The following LARP4 variants were observed in gnomAD, a reference collection of about 807,000 sequenced individuals.
LARP4 encodes la-related protein 4.
A neutral mutation model predicts 92.9 loss-of-function variants in LARP4; 29 were observed. That is an observed-to-expected ratio of 0.31 (90% CI 0.23 to 0.43). LARP4 has a LOEUF of 0.43. LARP4 is among the 20% of genes least tolerant of loss of function. The pLI is 1.00. For synonymous variants in LARP4, 279 were observed against 284.1 expected, an observed-to-expected ratio of 0.98 and a Z score of 0.18; for missense variants, 732 against 860.0, an observed-to-expected ratio of 0.85 and a Z score of 1.86.
intron 1 of LARP4, among the ~76,000 whole-genome samples, chr12:50,404,129 A>T: frequency 6.6e-6 from 1 of 152,154 alleles, no homozygotes; most frequent in East Asian, 1.9e-4. Flanking sequence ...CGGGAGGCTA[A>T]GGTAGGAGAA....
intron 4 of LARP4, 124 bp downstream of exon 4, chr12:50,430,694 T>A: frequency 1.8e-6 from 1 of 557,798 alleles, no homozygotes; most frequent in Non-Finnish European, 3.1e-6. Context: ...CAGAGTCTCA[T>A]GTTGTCGCTG....
rs1957675197 is a variant in LARP4, at chr12:50,478,356, ATATT to A, written c.*2493_*2496del. 2 of 151,894 alleles carry A rather than the reference ATATT, an allele frequency of 1.3e-5. No homozygotes were observed. The highest frequency in any genetic ancestry group is 2.1e-4 in the South Asian group (1 of 4,828). 9.4% of individuals were successfully genotyped at this position (151,894 alleles called of 1,614,324 possible). A position where few individuals can be genotyped will look rare whatever the true frequency, so the allele number is the denominator to read the frequency against. ...GTGTATGTGTGTGTAATATTTATAT[ATATT>A]CACAGTATGTATTTAGCATTTATTT... On this transcript the variant is annotated 3_prime_UTR_variant, in exon 16 of 16. Transcript: ENST00000398473.
chr12:50,452,617 C>T lies in LARP4; in HGVS notation c.805-843C>T, dbSNP rs141855743. Among the ~76,000 whole-genome samples, 358 of 152,208 alleles carry T rather than the reference C, an allele frequency of 2.4e-3. 2 individuals are homozygous for T. The highest frequency in any genetic ancestry group is 8.4e-3 in the African/African-American group (349 of 41,548). On this transcript the variant is annotated intron_variant, in intron 8 of 15. Coordinates refer to ENST00000398473, the MANE Select transcript of LARP4 (RefSeq NM_052879.5). Reference sequence around the variant, plus strand: ...CTTCCTGTTGTTTTTTTTGCTGCACCCATTTTAATAGATGTGAGATGCTAT... The same window carrying T: ...CTTCCTGTTGTTTTTTTTGCTGCACTCATTTTAATAGATGTGAGATGCTAT...
chr12:50,421,089 G>A (rs959879241), intron 1 of LARP4, among the ~76,000 whole-genome samples: 6 of 150,404 alleles, frequency 4.0e-5, no homozygotes, highest in Admixed American at 2.7e-4. Flanking sequence ...AGCTGGGACT[G>A]CAGGTGCATG....
chr12:50,458,543 T>C (rs1029344291), intron 10 of LARP4, among the ~76,000 whole-genome samples: 1 of 152,126 alleles, frequency 6.6e-6, no homozygotes, highest in Non-Finnish European at 1.5e-5. Context: ...ATTCAAGAGG[T>C]TTTAAATCCT....
At chr12:50,433,521 A>C (rs1341411347) in intron 4 of LARP4, among the ~76,000 whole-genome samples, 3 of 152,118 alleles carry the variant, frequency 2.0e-5, no homozygotes, top group Admixed American at 1.3e-4. Context: ...TTTAGCTAAG[A>C]GTTGAATCAC....
chr12:50,475,827 G>A lies in LARP4; in HGVS notation c.2138G>A (p.Gly713Asp), dbSNP rs371799393. 4 of 1,613,886 alleles carry A rather than the reference G, an allele frequency of 2.5e-6. No homozygotes were observed. Among genetic ancestry groups the A allele is most frequent in the South Asian group, 1.1e-5 (1 of 91,068 alleles). ...AIPQGVTRRNGKEQYVPPRSP... is the reference protein window; with the variant it reads ...AIPQGVTRRNDKEQYVPPRSP... ...CCTCAGGGAGTGACTCGACGTAATG[G>A]CAAAGAGCAATATGTGCCACCCAGA... The change falls in exon 16 of 16, where the codon GGC becomes GAC. Residue 713 changes from glycine (G) to aspartate (D), a missense_variant. Gly to Asp is a moderately conservative substitution (Grantham distance 94). Around this residue, in one of 7 missense-constraint regions of LARP4, gnomAD observed 115 missense variants for 129.1 expected, o/e 0.89. Coordinates refer to ENST00000398473, the MANE Select transcript of LARP4 (RefSeq NM_052879.5).
intron 1 of LARP4, among the ~76,000 whole-genome samples, chr12:50,420,203 A>G: frequency 6.6e-6 from 1 of 152,186 alleles, no homozygotes; most frequent in East Asian, 1.9e-4. Context: ...TGAAAAATAT[A>G]AAAAGGGAGC....
chr12:50,444,857 A>G (rs904135858), intron 8 of LARP4, among the ~76,000 whole-genome samples: 1 of 152,186 alleles, frequency 6.6e-6, no homozygotes, highest in Non-Finnish European at 1.5e-5. Context: ...TGTTTGTTAC[A>G]GTACCAACCA....
rs144291540 is a variant in LARP4, at chr12:50,458,273, T to G, written c.1122-2862T>G. Among the ~76,000 whole-genome samples the G allele has an allele frequency of 2.9e-3, 437 of 152,052 alleles. 2 individuals carry two copies. The highest frequency in any genetic ancestry group is 0.01 in the African/African-American group (419 of 41,496). ...TGATAATTTTATCTTTGTTTTTGTT[T>G]GTTTGTTTTTGTTTTTTGTTTGTTT... On this transcript the variant is annotated intron_variant, in intron 10 of 15. Transcript: ENST00000398473.
chr12:50,419,024 A>C (rs2136686271), intron 1 of LARP4, among the ~76,000 whole-genome samples: 1 of 152,214 alleles, frequency 6.6e-6, no homozygotes, highest in Middle Eastern at 3.4e-3. Context: ...TTTTCAATTC[A>C]ACACATATAA....
chr12:50,436,051 CTGTGTGTGTGTGTGTGTGTGTG>C (rs57676021), intron 5 of LARP4, among the ~76,000 whole-genome samples: 15 of 137,686 alleles, frequency 1.1e-4, no homozygotes, highest in Non-Finnish European at 1.7e-4. Flanking sequence ...TTTACTGACT[CTGTGTGTGTGTGTGTGTGTGTG>C]TGTGTGTGTG....
chr12:50,401,509 T>G (rs764882475), intron 1 of LARP4, among the ~76,000 whole-genome samples: 1 of 152,152 alleles, frequency 6.6e-6, no homozygotes, highest in Non-Finnish European at 1.5e-5. Flanking sequence ...AATTGAAAAG[T>G]TCTTTTGAGC....
chr12:50,453,830 G>A (rs538994673), intron 9 of LARP4, among the ~76,000 whole-genome samples, 158 bp downstream of exon 9: 200 of 151,668 alleles, frequency 1.3e-3, no homozygotes, highest in African/African-American at 4.8e-3. Flanking sequence ...ATGGAATTTT[G>A]CCATGTTGCC....
chr12:50,426,731 G>GTGTGTGGT (rs1483728898), intron 1 of LARP4, among the ~76,000 whole-genome samples: 1 of 79,740 alleles, frequency 1.3e-5, no homozygotes, highest in African/African-American at 6.9e-5. Context: ...GTGTGTGTGT[G>GTGTGTGGT]GTTTTTTTTT....
chr12:50,407,106 A>G (rs1256683888), intron 1 of LARP4, among the ~76,000 whole-genome samples: 4 of 151,196 alleles, frequency 2.6e-5, no homozygotes, highest in Admixed American at 2.0e-4. Flanking sequence ...GCTCACTGCA[A>G]CCTCCGCCTC....
chr12:50,425,814 CAT>C (rs202160056), intron 1 of LARP4, among the ~76,000 whole-genome samples: 3,061 of 152,250 alleles, frequency 0.02, 47 homozygotes, highest in Middle Eastern at 0.092. Flanking sequence ...ATGGGATTAA[CAT>C]AAAGGAGTGG....
At chr12:50,434,657 T>C (rs1950160974) in intron 4 of LARP4, among the ~76,000 whole-genome samples, 1 of 151,060 alleles carries the variant, frequency 6.6e-6, no homozygotes, top group African/African-American at 2.4e-5. Flanking sequence ...TCCACCCGCC[T>C]CGGCGTCCCA....
chr12:50,474,434 G>A (rs550980692), intron 15 of LARP4, among the ~76,000 whole-genome samples: 1 of 152,044 alleles, frequency 6.6e-6, no homozygotes, highest in South Asian at 2.1e-4. Context: ...TGCAAGCTCC[G>A]CCTCCCGGGT....
Sources: allele counts gnomAD v4.1 joint callset (sites outside exome capture counted in the v4.1 genomes callset), GRCh38; gene constraint gnomAD v4.1.1; regional missense constraint gnomAD v4.1.1; transcripts MANE v1.5; gene names NCBI Gene and HGNC (gene_info 2026-07-23, HGNC 2026-07-21).